RSPH10B: variants seen among roughly 807,000 people sequenced by gnomAD.
The protein encoded by RSPH10B is radial spoke head 10 homolog B (Chlamydomonas).
In RSPH10B, 7 loss-of-function variants were observed where a neutral mutation model predicts 52.5. The ratio of observed to expected loss-of-function variants is 0.13; its 90% CI spans 0.08 to 0.25. RSPH10B has a LOEUF of 0.25. RSPH10B is among the 10% of genes least tolerant of loss of function. The probability of loss-of-function intolerance (pLI) is 1.00; values close to 1 mark genes in which losing one functional copy is unlikely to be tolerated. For missense variants in RSPH10B, 89 were observed against 542.5 expected (o/e 0.16, Z 8.30); for synonymous variants, 28 against 193.2 (o/e 0.14, Z 7.09).
chr7:5,944,363 A>G (rs1292850853), intron 11 of RSPH10B, among the ~76,000 whole-genome samples: 1 of 150,734 alleles, frequency 6.6e-6, no homozygotes, highest in Non-Finnish European at 1.5e-5. Flanking sequence ...GCGCCACTGC[A>G]CTCCAGCCTG....
chr7:5,929,337 A>G (rs894606950), intron 17 of RSPH10B, among the ~76,000 whole-genome samples: 3 of 127,354 alleles, frequency 2.4e-5, no homozygotes, highest in African/African-American at 9.6e-5. Context: ...GTGCCACCAC[A>G]CCCAGCTAAT....
At chr7:5,961,647 G>A (rs1406076748) in intron 3 of RSPH10B, among the ~76,000 whole-genome samples, 63 of 48,432 alleles carry the variant, frequency 1.3e-3, no homozygotes, top group African/African-American at 4.5e-3. Context: ...GAGCCATCAT[G>A]CCTAGTTTTT....
chr7:5,941,802 A>G (rs2528293), intron 13 of RSPH10B, among the ~76,000 whole-genome samples: 27,782 of 102,254 alleles, frequency 0.27, 3,191 homozygotes, highest in African/African-American at 0.32. Context: ...ACATTGTATA[A>G]ATGTTGTCAC....
intron 9 of RSPH10B, among the ~76,000 whole-genome samples, chr7:5,950,544 C>T (rs1445778577): frequency 1.3e-5 from 2 of 151,098 alleles, no homozygotes; most frequent in African/African-American, 2.4e-5. Context: ...GCACTCCAGC[C>T]CGGGCGACAA....
chr7:5,927,618 A>T lies in RSPH10B; in HGVS notation c.2432+578T>A, dbSNP rs1182281906. The stretch of plus-strand genomic sequence containing the variant: ...ATATAGTCATTACCCCAAAGAGTCC[A>T]CAGGTTTTGAACTCTTGGGTCAAGA... On this transcript the variant is annotated intron_variant, in intron 18 of 18. Transcript: ENST00000337579. 9.1e-5 allele frequency among the ~76,000 whole-genome samples: 13 copies of T among 142,886 alleles called. 4 individuals carry two copies. The East Asian group carries it at 3.0e-3, about 33-fold the overall frequency. 93.7% of individuals were successfully genotyped at this position (142,886 alleles called of 152,430 possible).
At chr7:5,937,427 G>A (rs1331698338) in intron 15 of RSPH10B, among the ~76,000 whole-genome samples, 2 of 115,948 alleles carry the variant, frequency 1.7e-5, no homozygotes, top group Non-Finnish European at 2.0e-5. Flanking sequence ...GTTTTGTTTT[G>A]AGAAGTCTTG....
At chr7:5,941,687 T>G (rs1330313855) in intron 13 of RSPH10B, among the ~76,000 whole-genome samples, 2 of 138,934 alleles carry the variant, frequency 1.4e-5, no homozygotes, top group Middle Eastern at 3.6e-3. Flanking sequence ...GAGGTTGCAG[T>G]GAGCCGAGAC....
At chr7:5,943,019 G>A (rs1780287094) in intron 13 of RSPH10B, among the ~76,000 whole-genome samples, 1 of 148,734 alleles carries the variant, frequency 6.7e-6, no homozygotes, top group African/African-American at 2.5e-5. Context: ...GCCCACCTCG[G>A]CCTCTCAAAG....
chr7:5,931,720 CA>C (rs1779783278), intron 17 of RSPH10B, among the ~76,000 whole-genome samples: 1 of 148,894 alleles, frequency 6.7e-6, no homozygotes, highest in Admixed American at 6.8e-5. Flanking sequence ...AAAAAATGCC[CA>C]GGGGCGGGTG....
intron 7 of RSPH10B, among the ~76,000 whole-genome samples, chr7:5,955,062 G>A (rs1230911964): frequency 2.9e-5 from 4 of 135,850 alleles, no homozygotes; most frequent in African/African-American, 1.1e-4. Flanking sequence ...CTACTCTAGT[G>A]GCTGAGGCAC....
At chr7:5,940,960 T>A (rs1475274575) in intron 13 of RSPH10B, among the ~76,000 whole-genome samples, 3 of 89,460 alleles carry the variant, frequency 3.4e-5, no homozygotes, top group African/African-American at 1.1e-4. Context: ...TTATTATTAT[T>A]ATTATTATTA....
At chr7:5,937,239 TAG>T (rs1779971161) in intron 15 of RSPH10B, among the ~76,000 whole-genome samples, 1 of 135,034 alleles carries the variant, frequency 7.4e-6, no homozygotes, top group African/African-American at 2.6e-5. Flanking sequence ...GCCTGGACAA[TAG>T]AGTGAATCCC....
At position 5,937,104 on chromosome 7, in the gene RSPH10B, A is replaced by AAAAT. The variant is rs1201034676; in HGVS notation, c.2010+653_2010+654insATTT. ...TCTGTCTCAAAAAAAAAAAAAAAAA[A>AAAAT]AGAATTAGCTGGGTGTGGTGACACA... is the stretch of plus-strand genomic sequence containing the variant. On this transcript the variant is annotated intron_variant, in intron 15 of 18. Transcript: ENST00000337579. 2.3e-4 allele frequency among the ~76,000 whole-genome samples: 14 copies of AAAAT among 60,224 alleles called. No individual in the cohort carries two copies. In the East Asian group the frequency reaches 6.1e-3, roughly 26 times the overall value. 39.5% of individuals were successfully genotyped at this position (60,224 alleles called of 152,430 possible).
chr7:5,927,070 A>ATATGTGTGTGTGTGTGTGTG (rs1554284566), intron 18 of RSPH10B, among the ~76,000 whole-genome samples: 7 of 110,690 alleles, frequency 6.3e-5, no homozygotes, highest in African/African-American at 1.6e-4. Flanking sequence ...GTGTGTGTAT[A>ATATGTGTGTGTGTGTGTGTG]TGTGTGTGTG....
rs376635850 is a variant in RSPH10B at position 5,930,682 on chromosome 7, C to T, written c.2233+2100G>A. Among the ~76,000 whole-genome samples, 37 of 34,104 alleles carry T rather than the reference C, an allele frequency of 1.1e-3. 7 individuals are homozygous for T. Among genetic ancestry groups the T allele is most frequent in the South Asian group, 3.5e-3 (3 of 854 alleles). 22.4% of individuals were successfully genotyped at this position (34,104 alleles called of 152,430 possible). On this transcript the variant is annotated intron_variant, in intron 17 of 18. Coordinates refer to ENST00000337579, the Ensembl canonical transcript of RSPH10B. Reference sequence around the variant, plus strand: ...CGGAGTCACTGCTGATGAAAAGGGGCCTTCAGTGGCCTGGGGAGGACAGTG... The same window carrying T: ...CGGAGTCACTGCTGATGAAAAGGGGTCTTCAGTGGCCTGGGGAGGACAGTG...
chr7:5,940,745 C>G (rs1304995068), intron 13 of RSPH10B, among the ~76,000 whole-genome samples: 2 of 23,426 alleles, frequency 8.5e-5, no homozygotes, highest in African/African-American at 2.8e-4. Context: ...GAGTTTGAGA[C>G]CAGCCTGGGC....
At chr7:5,940,977 G>T (rs1480709050) in intron 13 of RSPH10B, among the ~76,000 whole-genome samples, 1 of 82,602 alleles carries the variant, frequency 1.2e-5, no homozygotes. Context: ...ATTATTCAAT[G>T]GGCAATTGCA....
At chr7:5,968,652 G>A (rs1180622), upstream of RSPH10B, among the ~76,000 whole-genome samples, 13,157 of 52,152 alleles carry the variant, frequency 0.25, 3,152 homozygotes, top group African/African-American at 0.38. Context: ...GACTACAGGC[G>A]CCCACCACCA....
At position 5,929,019 on chromosome 7, in the gene RSPH10B, C is replaced by T. The variant is rs1279948193; in HGVS notation, c.2234-625G>A. ...AAAAACTCGTTTCTCTTGCTTTTTT[C>T]TTTTTTTTTTAAAGACAAGCTCTCT... is the stretch of plus-strand genomic sequence containing the variant. On this transcript the variant is annotated intron_variant, in intron 17 of 18. Transcript: ENST00000337579. Among the ~76,000 whole-genome samples, 8 of 139,364 alleles carry T rather than the reference C, an allele frequency of 5.7e-5. 2 individuals carry two copies. In the South Asian group the frequency reaches 1.2e-3, roughly 20 times the overall value. 91.4% of individuals were successfully genotyped at this position (139,364 alleles called of 152,430 possible). A position where few individuals can be genotyped will look rare whatever the true frequency, so the allele number is the denominator to read the frequency against.
Sources: gnomAD v4.1 joint callset for allele counts (sites outside exome capture counted in the v4.1 genomes callset) on GRCh38, gnomAD v4.1.1 for gene constraint, MANE v1.5 for transcripts, NCBI Gene and HGNC (gene_info 2026-07-23, HGNC 2026-07-21) for gene names.